KSR2: variants seen among roughly 807,000 people sequenced by gnomAD.
KSR2 encodes kinase suppressor of ras 2.
KSR2 carries 25 observed loss-of-function variants against 107.8 expected under a neutral mutation model. The observed-to-expected ratio is 0.23, with a 90% CI of 0.17 to 0.32. The LOEUF is 0.32. KSR2 is among the 10% of genes least tolerant of loss of function. The pLI is 1.00. For synonymous variants in KSR2, 480 were observed against 507.0 expected, an observed-to-expected ratio of 0.95 and a Z score of 0.71; for missense variants, 887 against 1,268.9, an observed-to-expected ratio of 0.70 and a Z score of 4.57.
chr12:117,776,062 G>C lies in KSR2; in HGVS notation c.473-14538C>G, dbSNP rs182249804. Among the ~76,000 whole-genome samples the C allele has an allele frequency of 2.0e-3, 303 of 151,936 alleles. 3 individuals are homozygous for C. The highest frequency in any genetic ancestry group is 7.1e-3 in the African/African-American group (293 of 41,392). On this transcript the variant is annotated intron_variant, in intron 3 of 19. Coordinates refer to ENST00000339824, the MANE Select transcript of KSR2 (RefSeq NM_173598.6). ...GAACTTATGTAACCAAGTACCACCT[G>C]TTCCCCAAAAAACTATGGAAATAAA...
chr12:117,735,566 A>G (rs746104483), intron 4 of KSR2, among the ~76,000 whole-genome samples: 4 of 152,160 alleles, frequency 2.6e-5, no homozygotes, highest in Non-Finnish European at 5.9e-5. Flanking sequence ...TCCTTCTTTT[A>G]TCATGTTAAT....
At chr12:117,533,621 A>T (rs567258486) in intron 10 of KSR2, among the ~76,000 whole-genome samples, 1 of 152,354 alleles carries the variant, frequency 6.6e-6, no homozygotes, top group Admixed American at 6.5e-5. Flanking sequence ...CAACTACTTT[A>T]TTAGTCAACA....
chr12:117,716,080 T>A (rs1164283641), intron 4 of KSR2, among the ~76,000 whole-genome samples: 1 of 152,220 alleles, frequency 6.6e-6, no homozygotes, highest in African/African-American at 2.4e-5. Flanking sequence ...CTCAGCACCC[T>A]GTCTGCTTCT....
At chr12:117,837,042 G>A (rs1043776382) in intron 3 of KSR2, among the ~76,000 whole-genome samples, 3 of 152,160 alleles carry the variant, frequency 2.0e-5, no homozygotes, top group South Asian at 2.1e-4. Flanking sequence ...AGTGTGGCAG[G>A]GAGACCAACG....
At chr12:117,889,005 T>C (rs1402182343) in intron 1 of KSR2, among the ~76,000 whole-genome samples, 1 of 152,158 alleles carries the variant, frequency 6.6e-6, no homozygotes, top group Non-Finnish European at 1.5e-5. Context: ...TACCACAATA[T>C]TTAAAAATGA....
At chr12:117,726,298 A>C (rs1887423731) in intron 4 of KSR2, among the ~76,000 whole-genome samples, 1 of 152,204 alleles carries the variant, frequency 6.6e-6, no homozygotes, top group Admixed American at 6.5e-5. Flanking sequence ...AGTAAGTCCC[A>C]AAAAAAGATG....
intron 14 of KSR2, among the ~76,000 whole-genome samples, chr12:117,488,947 G>C (rs1360241162): frequency 6.6e-6 from 1 of 152,092 alleles, no homozygotes; most frequent in Non-Finnish European, 1.5e-5. Flanking sequence ...GATAAAATAT[G>C]ATATATACTT....
chr12:117,635,767 A>G (rs1430029012), intron 5 of KSR2, among the ~76,000 whole-genome samples: 1 of 152,076 alleles, frequency 6.6e-6, no homozygotes, highest in Non-Finnish European at 1.5e-5. Context: ...ACATCTGTCA[A>G]AACAAAGAAA....
intron 17 of KSR2, among the ~76,000 whole-genome samples, chr12:117,475,608 C>T (rs1052422025): frequency 6.6e-6 from 1 of 152,164 alleles, no homozygotes; most frequent in African/African-American, 2.4e-5. Flanking sequence ...TAGCATTTAT[C>T]ATACTTTGCT....
chr12:117,901,805 G>A (rs565631912), intron 1 of KSR2, among the ~76,000 whole-genome samples: 88 of 152,248 alleles, frequency 5.8e-4, no homozygotes, highest in Non-Finnish European at 1.1e-3. Flanking sequence ...GTGGGTTTAC[G>A]AGGGTTCAGC....
intron 1 of KSR2, among the ~76,000 whole-genome samples, chr12:117,891,463 G>A (rs1274115359): frequency 1.3e-5 from 2 of 151,588 alleles, no homozygotes; most frequent in Admixed American, 6.6e-5. Context: ...ACAGGTGGGT[G>A]TAGTGACTCA....
chr12:117,826,029 G>C (rs1377066133), intron 3 of KSR2, among the ~76,000 whole-genome samples: 2 of 151,718 alleles, frequency 1.3e-5, no homozygotes, highest in African/African-American at 4.8e-5. Flanking sequence ...ATGGAGGGAT[G>C]GATGGATGGA....
chr12:117,783,005 G>A (rs141870898), intron 3 of KSR2, among the ~76,000 whole-genome samples: 9 of 152,228 alleles, frequency 5.9e-5, no homozygotes, highest in African/African-American at 2.2e-4. Context: ...GATAAAAATG[G>A]TTTCACCAAG....
chr12:117,463,503 C>T lies in KSR2; in HGVS notation c.*3696G>A, dbSNP rs4766852. ...TGGCTCTGTCACAGTTGCATAGGAGCAGCCGTGGTTGTGTAAATGGAGAGG... is the reference window on the plus strand; with the variant it reads ...TGGCTCTGTCACAGTTGCATAGGAGTAGCCGTGGTTGTGTAAATGGAGAGG... On this transcript the variant is annotated 3_prime_UTR_variant, in exon 20 of 20. Transcript: ENST00000339824. 30,097 of 152,274 alleles carry T rather than the reference C, an allele frequency of 0.2. 3,701 individuals carry two copies. Among genetic ancestry groups the T allele is most frequent in the Non-Finnish European group, 0.28 (19,157 of 68,008 alleles). 9.4% of individuals were successfully genotyped at this position (152,274 alleles called of 1,614,324 possible). A position where few individuals can be genotyped will look rare whatever the true frequency, so the allele number is the denominator to read the frequency against.
At chr12:117,559,634 C>T (rs1877970452) in intron 7 of KSR2, among the ~76,000 whole-genome samples, 2 of 152,064 alleles carry the variant, frequency 1.3e-5, no homozygotes, top group Admixed American at 1.3e-4. Context: ...GAAATCGGTG[C>T]CAGGTATTAA....
chr12:117,855,720 G>A, intron 2 of KSR2, 142 bp from the exon 3 acceptor site: 2 of 798,694 alleles, frequency 2.5e-6, no homozygotes. Context: ...TCTCGGGTTT[G>A]CCACTCATTA....
At chr12:117,873,645 G>A (rs1893735893) in intron 1 of KSR2, among the ~76,000 whole-genome samples, 1 of 152,048 alleles carries the variant, frequency 6.6e-6, no homozygotes, top group African/African-American at 2.4e-5. Flanking sequence ...GTTTTTAGTA[G>A]AGATGGGGTT....
At chr12:117,697,037 A>G (rs1886091556) in intron 4 of KSR2, among the ~76,000 whole-genome samples, 1 of 152,276 alleles carries the variant, frequency 6.6e-6, no homozygotes, top group South Asian at 2.1e-4. Context: ...GCACATTGAT[A>G]TTTCAATGCG....
intron 4 of KSR2, among the ~76,000 whole-genome samples, chr12:117,694,887 T>C (rs1158534250): frequency 1.4e-5 from 2 of 146,228 alleles, no homozygotes; most frequent in Non-Finnish European, 3.0e-5. Context: ...CCTCACTCTG[T>C]TGCCTCAAGC....
Sources: allele counts gnomAD v4.1 joint callset (sites outside exome capture counted in the v4.1 genomes callset), GRCh38; gene constraint gnomAD v4.1.1; transcripts MANE v1.5; gene names NCBI Gene and HGNC (gene_info 2026-07-23, HGNC 2026-07-21).